Variants in TSHZ2 observed in about 807,000 individuals in gnomAD.
The protein encoded by TSHZ2 is teashirt homolog 2.
In TSHZ2, 21 loss-of-function variants were observed where a neutral mutation model predicts 74.4. That is an observed-to-expected ratio of 0.28 (90% CI 0.20 to 0.41). The LOEUF is 0.41. Among genes scored for constraint, TSHZ2 ranks in the 10% least tolerant of loss-of-function variants. The pLI, the probability that TSHZ2 is intolerant of heterozygous loss-of-function variation, is 1.00. For missense variants in TSHZ2, 1,244 were observed against 1,293.5 expected (o/e 0.96, Z 0.59); for synonymous variants, 540 against 515.3 (o/e 1.05, Z -0.65).
chr20:53,004,093 A>T (rs1982545773), intron 1 of TSHZ2, among the ~76,000 whole-genome samples: 1 of 152,058 alleles, frequency 6.6e-6, no homozygotes, highest in African/African-American at 2.4e-5. Context: ...TTTCTAGTAT[A>T]ATATCTGTGG....
intron 1 of TSHZ2, among the ~76,000 whole-genome samples, chr20:53,007,821 G>A (rs1982702365): frequency 6.6e-6 from 1 of 151,780 alleles, no homozygotes; most frequent in African/African-American, 2.4e-5. Flanking sequence ...GCATGACATG[G>A]TTAATGATTA....
intron 2 of TSHZ2, among the ~76,000 whole-genome samples, chr20:53,478,380 G>C (rs1465757554): frequency 6.6e-6 from 1 of 151,788 alleles, no homozygotes; most frequent in Non-Finnish European, 1.5e-5. Flanking sequence ...GATGAAATTG[G>C]AAGTCATCAT....
At chr20:53,092,335 A>G (rs989032188) in intron 1 of TSHZ2, among the ~76,000 whole-genome samples, 2 of 152,146 alleles carry the variant, frequency 1.3e-5, no homozygotes, top group African/African-American at 2.4e-5. Context: ...CCAGAATTCA[A>G]TGCCAGGATT....
intron 1 of TSHZ2, among the ~76,000 whole-genome samples, chr20:53,139,772 C>G (rs1473093465): frequency 1.3e-5 from 2 of 152,158 alleles, no homozygotes; most frequent in African/African-American, 4.8e-5. Flanking sequence ...TTTTTCTGGT[C>G]CCTTTTATCA....
chr20:52,974,426 G>T (rs1486028578), intron 1 of TSHZ2, among the ~76,000 whole-genome samples: 1 of 152,134 alleles, frequency 6.6e-6, no homozygotes, highest in African/African-American at 2.4e-5. Flanking sequence ...TTATTATCTT[G>T]TTTGGCTTTT....
In TSHZ2 at chr20:53,492,423, C is replaced by T. The variant is rs1409753481; in HGVS notation, c.*5288C>T. ...TTTCGCAATACAATACTTGAGCTTT[C>T]GAACACCTCAGACACTAGAATGTGT... On this transcript the variant is annotated 3_prime_UTR_variant, in exon 3 of 3. Coordinates refer to ENST00000371497, the MANE Select transcript of TSHZ2 (RefSeq NM_173485.6). The T allele has an allele frequency of 6.6e-6, 1 of 152,142 alleles. No individual in the cohort carries two copies. Among genetic ancestry groups the T allele is most frequent in the Non-Finnish European group, 1.5e-5 (1 of 68,028 alleles). The allele number at this position is 152,142 out of a possible 1,614,324, so 9.4% of individuals were successfully genotyped here.
chr20:53,196,019 G>A (rs1988856005), intron 1 of TSHZ2, among the ~76,000 whole-genome samples: 1 of 152,196 alleles, frequency 6.6e-6, no homozygotes, highest in Non-Finnish European at 1.5e-5. Context: ...AAGGGGGCCA[G>A]TCTCGGCTTC....
chr20:53,065,588 C>T (rs191133956), intron 1 of TSHZ2, among the ~76,000 whole-genome samples: 1 of 152,142 alleles, frequency 6.6e-6, no homozygotes, highest in South Asian at 2.1e-4. Flanking sequence ...CCAGGCAGAT[C>T]GTAAATGGTT....
chr20:53,323,635 G>A (rs1979374338), intron 2 of TSHZ2, among the ~76,000 whole-genome samples: 1 of 124,022 alleles, frequency 8.1e-6, no homozygotes, highest in Admixed American at 1.0e-4. Flanking sequence ...GAGTGCTGTG[G>A]TGCAATCTCT....
At chr20:53,418,516 G>T (rs1279501314) in intron 2 of TSHZ2, among the ~76,000 whole-genome samples, 9 of 152,148 alleles carry the variant, frequency 5.9e-5, no homozygotes, top group Non-Finnish European at 1.3e-4. Context: ...CTCACATGGC[G>T]ACAGACGAGA....
At chr20:53,360,036 T>G (rs1442950202) in intron 2 of TSHZ2, among the ~76,000 whole-genome samples, 2 of 152,214 alleles carry the variant, frequency 1.3e-5, no homozygotes, top group Non-Finnish European at 2.9e-5. Flanking sequence ...ACTTTAGTAC[T>G]AGAAAGAGGT....
chr20:53,073,027 A>C (rs1985234514), intron 1 of TSHZ2, among the ~76,000 whole-genome samples: 1 of 138,824 alleles, frequency 7.2e-6, no homozygotes, highest in Non-Finnish European at 1.5e-5. Flanking sequence ...CCCTCCATCC[A>C]TCCCTTCCTC....
At chr20:53,174,296 A>G (rs1988272346) in intron 1 of TSHZ2, among the ~76,000 whole-genome samples, 1 of 152,210 alleles carries the variant, frequency 6.6e-6, no homozygotes, top group South Asian at 2.1e-4. Context: ...TCAAGTAGAA[A>G]AAGAAAAAGG....
chr20:53,163,023 T>C (rs1212855778), intron 1 of TSHZ2, among the ~76,000 whole-genome samples: 5 of 152,224 alleles, frequency 3.3e-5, no homozygotes, highest in Non-Finnish European at 7.3e-5. Flanking sequence ...GAAAACAATT[T>C]CCTCCATAGT....
intron 1 of TSHZ2, among the ~76,000 whole-genome samples, chr20:53,022,494 G>T (rs1408686570): frequency 1.3e-5 from 2 of 152,190 alleles, no homozygotes; most frequent in African/African-American, 4.8e-5. Flanking sequence ...AATTTACCCA[G>T]AGAAAGTGCT....
chr20:52,986,893 TGTG>T (rs1300920847), intron 1 of TSHZ2, among the ~76,000 whole-genome samples: 1 of 148,192 alleles, frequency 6.7e-6, no homozygotes, highest in African/African-American at 2.6e-5. Flanking sequence ...AAAAATCAAT[TGTG>T]TGTGTGTGTG....
At chr20:53,391,853 G>A (rs1245937993) in intron 2 of TSHZ2, among the ~76,000 whole-genome samples, 1 of 152,190 alleles carries the variant, frequency 6.6e-6, no homozygotes, top group Non-Finnish European at 1.5e-5. Context: ...TGAGGCACGA[G>A]AATTACTTGA....
intron 1 of TSHZ2, among the ~76,000 whole-genome samples, chr20:53,048,931 T>G (rs1984328842): frequency 6.6e-6 from 1 of 152,174 alleles, no homozygotes; most frequent in African/African-American, 2.4e-5. Flanking sequence ...GGTCAGAGAT[T>G]CACCCAGCTG....
At chr20:53,287,413 C>G (rs1991188980) in intron 2 of TSHZ2, among the ~76,000 whole-genome samples, 1 of 152,190 alleles carries the variant, frequency 6.6e-6, no homozygotes, top group South Asian at 2.1e-4. Context: ...CATTGACTTA[C>G]TTTTCAGGAG....
Sources: gnomAD v4.1 joint callset for allele counts (sites outside exome capture counted in the v4.1 genomes callset) on GRCh38, gnomAD v4.1.1 for gene constraint, MANE v1.5 for transcripts, NCBI Gene and HGNC (gene_info 2026-07-23, HGNC 2026-07-21) for gene names.